Variants in MAST4 observed in about 807,000 individuals in gnomAD.
MAST4 encodes the protein microtubule associated serine/threonine kinase family member 4, also known as microtubule-associated serine/threonine-protein kinase 4.
MAST4 carries 89 observed loss-of-function variants against 162.7 expected under a neutral mutation model. That is an observed-to-expected ratio of 0.55 (90% confidence interval 0.46 to 0.65). MAST4 has a LOEUF of 0.65. Ranked by LOEUF, MAST4 falls within the 30% of genes least tolerant of loss-of-function variation. The probability of loss-of-function intolerance (pLI) is 0.00; values close to 1 mark genes in which losing one functional copy is unlikely to be tolerated. For synonymous variants in MAST4, 1,479 were observed against 1,361.1 expected (o/e 1.09, Z -1.91); for missense variants, 3,153 against 3,374.0 (o/e 0.93, Z 1.62).
At chr5:66,716,589 G>A (rs1750858033) in intron 1 of MAST4, among the ~76,000 whole-genome samples, 1 of 151,238 alleles carries the variant, frequency 6.6e-6, no homozygotes, top group South Asian at 2.1e-4. Flanking sequence ...TTGAACTCCT[G>A]GCCTCAAGCA....
At chr5:66,827,997 A>G (rs948171388) in intron 3 of MAST4, among the ~76,000 whole-genome samples, 9 of 152,198 alleles carry the variant, frequency 5.9e-5, no homozygotes, top group Admixed American at 5.9e-4. Flanking sequence ...GTGAAATTGC[A>G]CGATGGGAAT....
intron 4 of MAST4, among the ~76,000 whole-genome samples, chr5:67,041,047 G>A (rs184811718): frequency 2.2e-4 from 33 of 152,292 alleles, no homozygotes; most frequent in Non-Finnish European, 8.8e-5. Flanking sequence ...TGTGTTAAAC[G>A]CTTTGTCAGT....
At chr5:66,895,642 T>G (rs1762636857) in intron 3 of MAST4, among the ~76,000 whole-genome samples, 1 of 152,170 alleles carries the variant, frequency 6.6e-6, no homozygotes, top group African/African-American at 2.4e-5. Context: ...ATCTGACTAC[T>G]CCTTACCATC....
chr5:66,971,080 T>G (rs1236979390), intron 4 of MAST4, among the ~76,000 whole-genome samples: 1 of 152,104 alleles, frequency 6.6e-6, no homozygotes, highest in Non-Finnish European at 1.5e-5. Flanking sequence ...GACTTCAATT[T>G]GTGGTCATTT....
chr5:67,143,715 T>C (rs1770701724), intron 21 of MAST4, among the ~76,000 whole-genome samples: 1 of 152,184 alleles, frequency 6.6e-6, no homozygotes, highest in African/African-American at 2.4e-5. Context: ...GAGAAGGTGG[T>C]AGCCAGTCTG....
In MAST4 at chr5:66,962,704, G is replaced by GAAC. The variant is rs112715329; in HGVS notation, c.674+62737_674+62739dup. Among the ~76,000 whole-genome samples, 29 of 152,008 alleles carry GAAC rather than the reference G, an allele frequency of 1.9e-4. No homozygotes were observed. The East Asian group carries it at 5.2e-3, about 27-fold the overall frequency. On this transcript the variant is annotated intron_variant, in intron 4 of 28. Coordinates refer to ENST00000403625, the MANE Select transcript of MAST4 (RefSeq NM_001164664.2). The stretch of plus-strand genomic sequence containing the variant: ...CTAGAGTGAAACCTTGTCTCAAAAA[G>GAAC]AACAACAACAACAACAAAAGACAGG...
intron 3 of MAST4, among the ~76,000 whole-genome samples, chr5:66,815,634 G>A (rs1756680992): frequency 6.6e-6 from 1 of 152,100 alleles, no homozygotes; most frequent in African/African-American, 2.4e-5. Context: ...CTTCTTTCTG[G>A]TAAAGCATTC....
intron 3 of MAST4, among the ~76,000 whole-genome samples, chr5:66,878,173 A>C (rs73765765): frequency 0.019 from 2,876 of 152,362 alleles, 93 homozygotes; most frequent in African/African-American, 0.065. Flanking sequence ...AAGACCTTGC[A>C]GTGGCCAGAT....
At chr5:66,646,017 T>C (rs1745809778) in intron 1 of MAST4, among the ~76,000 whole-genome samples, 1 of 152,194 alleles carries the variant, frequency 6.6e-6, no homozygotes, top group South Asian at 2.1e-4. Flanking sequence ...GATTTTACTC[T>C]AACAGGTTGA....
chr5:66,696,357 TA>T (rs533804688), intron 1 of MAST4, among the ~76,000 whole-genome samples: 1,840 of 145,308 alleles, frequency 0.013, 36 homozygotes, highest in African/African-American at 0.04. Flanking sequence ...CCCAGAACTT[TA>T]AAAAAAAAAA....
At chr5:66,780,956 T>G (rs1018436556) in intron 2 of MAST4, among the ~76,000 whole-genome samples, 1 of 152,230 alleles carries the variant, frequency 6.6e-6, no homozygotes, top group African/African-American at 2.4e-5. Context: ...TGGCTTCACC[T>G]CTCAATACAA....
intron 7 of MAST4, among the ~76,000 whole-genome samples, chr5:67,098,697 A>AT (rs1581552441): frequency 6.6e-6 from 1 of 152,084 alleles, no homozygotes; most frequent in Non-Finnish European, 1.5e-5. Flanking sequence ...TAGCAGCATA[A>AT]TTTTTTGTGT....
intron 4 of MAST4, among the ~76,000 whole-genome samples, chr5:66,953,769 T>C (rs937018658): frequency 6.6e-6 from 1 of 152,162 alleles, no homozygotes; most frequent in African/African-American, 2.4e-5. Context: ...TAGAGCAAGA[T>C]TTCTAGAATA....
intron 4 of MAST4, chr5:67,003,736 C>T (rs1183131265): frequency 2.0e-5 from 3 of 152,014 alleles, no homozygotes; most frequent in Non-Finnish European, 4.4e-5. Context: ...ACATTCAGCC[C>T]CCTTCATTCT....
chr5:66,693,903 A>G (rs538676015), intron 1 of MAST4, among the ~76,000 whole-genome samples: 4 of 152,296 alleles, frequency 2.6e-5, no homozygotes, highest in Admixed American at 2.6e-4. Flanking sequence ...AAAGCTTTAT[A>G]CAAGGGGAGG....
chr5:66,735,566 C>T (rs923498057), intron 1 of MAST4, among the ~76,000 whole-genome samples: 3 of 151,876 alleles, frequency 2.0e-5, no homozygotes, highest in Non-Finnish European at 2.9e-5. Context: ...ATTTTTTTCT[C>T]CTGGTAGAGC....
intron 4 of MAST4, among the ~76,000 whole-genome samples, chr5:67,049,387 C>T (rs1757890462): frequency 6.6e-6 from 1 of 152,080 alleles, no homozygotes; most frequent in Admixed American, 6.6e-5. Flanking sequence ...CAGAAAGCTG[C>T]TTAGTTCATA....
At chr5:66,877,420 C>G (rs1483622261) in intron 3 of MAST4, among the ~76,000 whole-genome samples, 1 of 152,164 alleles carries the variant, frequency 6.6e-6, no homozygotes, top group Non-Finnish European at 1.5e-5. Flanking sequence ...GATGAGGAAA[C>G]TGAAGCAGGG....
chr5:66,823,401 T>C (rs149530229), intron 3 of MAST4, among the ~76,000 whole-genome samples: 2,397 of 152,328 alleles, frequency 0.016, 36 homozygotes, highest in South Asian at 0.031. Flanking sequence ...TCTTCACTTA[T>C]GTGGTGAGGA....
Sources: gnomAD v4.1 joint callset for allele counts (sites outside exome capture counted in the v4.1 genomes callset) on GRCh38, gnomAD v4.1.1 for gene constraint, MANE v1.5 for transcripts, NCBI Gene and HGNC (gene_info 2026-07-23, HGNC 2026-07-21) for gene names.